The following PPM1E variants were observed in gnomAD, a reference collection of about 807,000 sequenced individuals.
PPM1E encodes protein phosphatase, Mg2+/Mn2+ dependent 1E.
In PPM1E, 20 loss-of-function variants were observed where a neutral mutation model predicts 65.9. That is an observed-to-expected ratio of 0.30 (90% CI 0.21 to 0.44). The LOEUF (loss-of-function observed/expected upper bound fraction) is 0.44. Among genes scored for constraint, PPM1E ranks in the 20% least tolerant of loss-of-function variants. The pLI, the probability that PPM1E is intolerant of heterozygous loss-of-function variation, is 1.00. For missense variants in PPM1E, 713 were observed against 953.1 expected (o/e 0.75, Z 3.32); for synonymous variants, 352 against 374.9 (o/e 0.94, Z 0.70).
intron 1 of PPM1E, among the ~76,000 whole-genome samples, chr17:58,791,089 A>G (rs1335675646): frequency 6.6e-6 from 1 of 151,820 alleles, no homozygotes; most frequent in East Asian, 1.9e-4. Flanking sequence ...ATGGGGTTTC[A>G]CCATGTTGGC....
chr17:58,895,215 A>G (rs1403732790), intron 1 of PPM1E, among the ~76,000 whole-genome samples: 1 of 152,120 alleles, frequency 6.6e-6, no homozygotes, highest in African/African-American at 2.4e-5. Flanking sequence ...TGTTTCACCA[A>G]CTGGCTGTTT....
Position 58,756,476 on chromosome 17 carries a change from C to G in PPM1E, c.464+15C>G, listed in dbSNP as rs147992263. 2 of 1,274,678 alleles carry G rather than the reference C, an allele frequency of 1.6e-6. No homozygotes were observed. Among genetic ancestry groups the G allele is most frequent in the South Asian group, 3.5e-5 (1 of 28,194 alleles). 79.0% of individuals were successfully genotyped at this position (1,274,678 alleles called of 1,614,324 possible). On this transcript the variant is annotated intron_variant, in intron 1 of 6. Transcript: ENST00000308249. ...CTCTACAAATAGTTAAGTAGCTGGG[C>G]TTGGCTGGTGGTGGGCCCGCGGTCC... is the stretch of plus-strand genomic sequence containing the variant.
At chr17:58,887,795 G>A (rs1249256496) in intron 1 of PPM1E, among the ~76,000 whole-genome samples, 2 of 152,202 alleles carry the variant, frequency 1.3e-5, no homozygotes, top group East Asian at 1.9e-4. Context: ...CATTTTTAAT[G>A]GATCATTCTG....
intron 1 of PPM1E, among the ~76,000 whole-genome samples, chr17:58,772,254 A>G (rs2144177386): frequency 6.6e-6 from 1 of 152,202 alleles, no homozygotes; most frequent in Middle Eastern, 3.4e-3. Flanking sequence ...TCAAGAGATC[A>G]AGACCATCCT....
At chr17:58,816,832 G>T (rs1348038052) in intron 1 of PPM1E, among the ~76,000 whole-genome samples, 1 of 124,786 alleles carries the variant, frequency 8.0e-6, no homozygotes, top group East Asian at 2.4e-4. Flanking sequence ...GTCTTACTCT[G>T]TCAGCCAGGT....
intron 1 of PPM1E, among the ~76,000 whole-genome samples, chr17:58,873,540 G>T (rs1661895670): frequency 6.6e-6 from 1 of 150,602 alleles, no homozygotes; most frequent in South Asian, 2.1e-4. Flanking sequence ...CTTGATCTTG[G>T]TTGGAATGGA....
intron 1 of PPM1E, among the ~76,000 whole-genome samples, chr17:58,832,172 G>A (rs990866266): frequency 7.2e-5 from 11 of 151,988 alleles, no homozygotes; most frequent in African/African-American, 1.9e-4. Flanking sequence ...CTTCTCTAGC[G>A]TAGAGATAAC....
chr17:58,877,030 G>T (rs1191850544), intron 1 of PPM1E, among the ~76,000 whole-genome samples: 1 of 152,136 alleles, frequency 6.6e-6, no homozygotes, highest in Non-Finnish European at 1.5e-5. Flanking sequence ...TGATCCGCCC[G>T]CCTCGGCCTC....
At chr17:58,852,176 G>A (rs574810870) in intron 1 of PPM1E, among the ~76,000 whole-genome samples, 12 of 152,168 alleles carry the variant, frequency 7.9e-5, no homozygotes, top group Non-Finnish European at 1.6e-4. Flanking sequence ...GGTACCATCT[G>A]TCACGGCTTC....
chr17:58,844,072 C>A (rs2050748153), intron 1 of PPM1E, among the ~76,000 whole-genome samples: 1 of 152,022 alleles, frequency 6.6e-6, no homozygotes, highest in South Asian at 2.1e-4. Context: ...GAATTAAATT[C>A]TTAAGAATTA....
At chr17:58,885,517 T>G (rs961231618) in intron 1 of PPM1E, among the ~76,000 whole-genome samples, 2 of 152,210 alleles carry the variant, frequency 1.3e-5, no homozygotes, top group Admixed American at 6.5e-5. Context: ...GTGGAGTAAG[T>G]AAGGAATAAG....
At chr17:58,844,061 G>A (rs990456329) in intron 1 of PPM1E, among the ~76,000 whole-genome samples, 1 of 151,876 alleles carries the variant, frequency 6.6e-6, no homozygotes, top group African/African-American at 2.4e-5. Context: ...CATTATTTTG[G>A]GAATTAAATT....
intron 1 of PPM1E, among the ~76,000 whole-genome samples, chr17:58,769,321 T>C (rs868740788): frequency 1.4e-4 from 22 of 152,260 alleles, no homozygotes; most frequent in Admixed American, 5.2e-4. Flanking sequence ...GAGACTGGGC[T>C]CAGTGGCTCC....
intron 1 of PPM1E, among the ~76,000 whole-genome samples, chr17:58,887,025 T>C (rs62083410): frequency 0.18 from 28,030 of 152,208 alleles, 2,746 homozygotes; most frequent in Non-Finnish European, 0.21. Flanking sequence ...CTTTAAATTA[T>C]AAAAATGTTA....
At chr17:58,805,990 C>CAAAAAAAAA (rs1168126201) in intron 1 of PPM1E, among the ~76,000 whole-genome samples, 1 of 71,370 alleles carries the variant, frequency 1.4e-5, no homozygotes, top group Non-Finnish European at 2.6e-5. Flanking sequence ...AAAAACAAAA[C>CAAAAAAAAA]AAAACAAAAC....
chr17:58,905,519 T>G (rs930482292), intron 1 of PPM1E, among the ~76,000 whole-genome samples: 1 of 152,128 alleles, frequency 6.6e-6, no homozygotes, highest in African/African-American at 2.4e-5. Context: ...AATTGATTTT[T>G]AATGATCATC....
At chr17:58,929,336 G>A (rs1174207097) in intron 1 of PPM1E, among the ~76,000 whole-genome samples, 1 of 152,104 alleles carries the variant, frequency 6.6e-6, no homozygotes, top group East Asian at 1.9e-4. Context: ...GGAACTTTCT[G>A]GAGTAATTAT....
intron 1 of PPM1E, among the ~76,000 whole-genome samples, chr17:58,779,068 C>T (rs2050026358): frequency 6.6e-6 from 1 of 150,432 alleles, no homozygotes; most frequent in African/African-American, 2.4e-5. Flanking sequence ...TGTGATTTTG[C>T]TCAAAATTCA....
At chr17:58,787,985 G>T (rs574160133) in intron 1 of PPM1E, among the ~76,000 whole-genome samples, 1 of 151,730 alleles carries the variant, frequency 6.6e-6, no homozygotes, top group South Asian at 2.1e-4. Flanking sequence ...GAAAATGCCA[G>T]TTCTGTACAA....
Sources: allele counts gnomAD v4.1 joint callset (sites outside exome capture counted in the v4.1 genomes callset), GRCh38; gene constraint gnomAD v4.1.1; transcripts MANE v1.5; gene names NCBI Gene and HGNC (gene_info 2026-07-23, HGNC 2026-07-21).